The following SLC35F4 variants were observed in gnomAD, a reference collection of about 807,000 sequenced individuals.
SLC35F4 encodes solute carrier family 35 member F4, also known as chromosome 14 open reading frame 36.
A neutral mutation model predicts 44.2 loss-of-function variants in SLC35F4; 24 were observed. That is an observed-to-expected ratio of 0.54 (90% CI 0.39 to 0.76). SLC35F4 has a LOEUF of 0.76. Ranked by LOEUF, SLC35F4 falls within the 30% of genes least tolerant of loss-of-function variation. SLC35F4 has a pLI of 0.00. For missense variants in SLC35F4, 562 were observed against 586.1 expected, an observed-to-expected ratio of 0.96 and a Z score of 0.42; for synonymous variants, 238 against 223.6, an observed-to-expected ratio of 1.06 and a Z score of -0.57.
intron 1 of SLC35F4, among the ~76,000 whole-genome samples, chr14:57,788,944 A>G (rs778067199): frequency 6.6e-6 from 1 of 152,202 alleles, no homozygotes; most frequent in Non-Finnish European, 1.5e-5. Flanking sequence ...GCAGAAATAA[A>G]TAAGCTCTTT....
At chr14:57,752,542 C>T (rs549549742) in intron 1 of SLC35F4, among the ~76,000 whole-genome samples, 2 of 150,658 alleles carry the variant, frequency 1.3e-5, no homozygotes, top group Admixed American at 6.6e-5. Flanking sequence ...CTCACTGCAA[C>T]GTCCGCCTCC....
At chr14:57,655,632 G>A (rs113399663) in intron 1 of SLC35F4, among the ~76,000 whole-genome samples, 19 of 152,118 alleles carry the variant, frequency 1.2e-4, no homozygotes, top group East Asian at 3.9e-4. Context: ...CATGCTTACC[G>A]TCCTGTCCCC....
chr14:57,711,250 G>C (rs115514603), intron 1 of SLC35F4, among the ~76,000 whole-genome samples: 1,832 of 152,116 alleles, frequency 0.012, 31 homozygotes, highest in East Asian at 0.04. Flanking sequence ...TGTGAAGAAG[G>C]CACCTTGCTT....
intron 1 of SLC35F4, among the ~76,000 whole-genome samples, chr14:57,860,714 A>G (rs1887609621): frequency 6.6e-6 from 1 of 152,206 alleles, no homozygotes; most frequent in Non-Finnish European, 1.5e-5. Context: ...CTTTCATTTG[A>G]CTTATGGAAA....
At chr14:57,840,766 C>G (rs2140959841) in intron 1 of SLC35F4, among the ~76,000 whole-genome samples, 1 of 152,298 alleles carries the variant, frequency 6.6e-6, no homozygotes, top group East Asian at 1.9e-4. Flanking sequence ...ATATCCCCCC[C>G]AAATAATGAA....
At chr14:57,658,029 C>T (rs1164375302) in intron 1 of SLC35F4, among the ~76,000 whole-genome samples, 1 of 152,158 alleles carries the variant, frequency 6.6e-6, no homozygotes, top group African/African-American at 2.4e-5. Flanking sequence ...GTGTGCCTGA[C>T]ACATAGTCAA....
intron 1 of SLC35F4, among the ~76,000 whole-genome samples, chr14:57,902,328 C>A (rs889629086): frequency 6.6e-6 from 1 of 152,068 alleles, no homozygotes; most frequent in Non-Finnish European, 1.5e-5. Flanking sequence ...CTTTGGGAGG[C>A]CGAGGTGAGC....
intron 1 of SLC35F4, among the ~76,000 whole-genome samples, chr14:57,944,695 A>AAAAGAAAGAAAGAAAGAAAGAAAG (rs141697627): frequency 1.7e-5 from 2 of 115,998 alleles, no homozygotes; most frequent in Non-Finnish European, 1.7e-5. Flanking sequence ...AGAAAGAAAG[A>AAAAGAAAGAAAGAAAGAAAGAAAG]AAAGAAAGAA....
At chr14:57,568,877 TGGAG>T (rs1249950117) in intron 6 of SLC35F4, among the ~76,000 whole-genome samples, 1 of 152,102 alleles carries the variant, frequency 6.6e-6, no homozygotes, top group Admixed American at 6.5e-5. Context: ...AGGATTTCTA[TGGAG>T]AAGAGAGGGA....
intron 1 of SLC35F4, among the ~76,000 whole-genome samples, chr14:57,782,203 T>C (rs1252314100): frequency 1.3e-5 from 2 of 152,196 alleles, no homozygotes; most frequent in Non-Finnish European, 2.9e-5. Context: ...AATTAATTTA[T>C]ATGAGTCAGT....
At chr14:57,939,336 T>C (rs551548716) in intron 1 of SLC35F4, among the ~76,000 whole-genome samples, 21 of 152,098 alleles carry the variant, frequency 1.4e-4, no homozygotes, top group African/African-American at 4.8e-4. Context: ...AGATCAGCTG[T>C]AGAGAAGTGA....
chr14:57,967,906 T>A (rs942212694), intron 1 of SLC35F4, among the ~76,000 whole-genome samples: 2 of 152,306 alleles, frequency 1.3e-5, no homozygotes, highest in Middle Eastern at 3.4e-3. Context: ...TAGTAAATAT[T>A]TAAATTTTGG....
intron 1 of SLC35F4, among the ~76,000 whole-genome samples, chr14:57,836,454 A>G (rs888939356): frequency 1.3e-5 from 2 of 151,892 alleles, no homozygotes; most frequent in Non-Finnish European, 2.9e-5. Context: ...CATCACATCC[A>G]GCTAATTTTT....
At chr14:57,667,830 A>G (rs1476006179) in intron 1 of SLC35F4, among the ~76,000 whole-genome samples, 1 of 150,864 alleles carries the variant, frequency 6.6e-6, no homozygotes, top group Admixed American at 6.6e-5. Context: ...ATGATTTATA[A>G]TTCTTTGGGT....
downstream of SLC35F4, among the ~76,000 whole-genome samples, chr14:57,975,999 GT>G (rs11300102): frequency 0.36 from 54,460 of 151,924 alleles, 10,332 homozygotes; most frequent in African/African-American, 0.5. Flanking sequence ...GTAGAGCAGA[GT>G]TATTACCTGA....
intron 1 of SLC35F4, among the ~76,000 whole-genome samples, chr14:57,605,251 A>G (rs1270263394): frequency 6.6e-6 from 1 of 152,196 alleles, no homozygotes; most frequent in East Asian, 1.9e-4. Context: ...AGGAACTCAA[A>G]TCAACAAGAA....
chr14:57,840,266 C>A (rs1354099315), intron 1 of SLC35F4, among the ~76,000 whole-genome samples: 3 of 152,198 alleles, frequency 2.0e-5, no homozygotes, highest in Admixed American at 6.5e-5. Flanking sequence ...ACCATTAATT[C>A]TCTGAATATT....
chr14:57,880,998 T>C (rs985571704), intron 1 of SLC35F4, among the ~76,000 whole-genome samples: 1 of 152,344 alleles, frequency 6.6e-6, no homozygotes, highest in African/African-American at 2.4e-5. Flanking sequence ...GTTTGTTTGC[T>C]AAACCTAGAT....
chr14:57,691,869 G>GAGGT (rs932199350), intron 1 of SLC35F4, among the ~76,000 whole-genome samples: 31 of 152,304 alleles, frequency 2.0e-4, no homozygotes, highest in African/African-American at 7.0e-4. Context: ...CCTTACAAAG[G>GAGGT]AGGTCTCAGT....
Sources: allele counts gnomAD v4.1 joint callset (sites outside exome capture counted in the v4.1 genomes callset), GRCh38; gene constraint gnomAD v4.1.1; transcripts MANE v1.5; gene names NCBI Gene and HGNC (gene_info 2026-07-23, HGNC 2026-07-21).